RALYL: variants seen among roughly 807,000 people sequenced by gnomAD.
RALYL encodes the protein RNA-binding Raly-like protein.
Under a neutral mutation model 35.1 loss-of-function variants are expected in RALYL, and 29 were observed. That is an observed-to-expected ratio of 0.83 (90% confidence interval 0.61 to 1.13). The LOEUF is 1.13. Among genes scored for constraint, RALYL ranks in the 50% most tolerant of loss-of-function variants. RALYL has a pLI of 0.00. For synonymous variants in RALYL, 120 were observed against 127.6 expected (o/e 0.94, Z 0.40); for missense variants, 359 against 360.4 (o/e 1.00, Z 0.03).
At chr8:84,647,828 A>G (rs1332139675) in intron 2 of RALYL, among the ~76,000 whole-genome samples, 1 of 152,240 alleles carries the variant, frequency 6.6e-6, no homozygotes, top group East Asian at 1.9e-4. Context: ...ATTTTAGGCA[A>G]GACAGCTATG....
chr8:84,506,924 C>A (rs2057218124), intron 1 of RALYL, among the ~76,000 whole-genome samples: 1 of 152,030 alleles, frequency 6.6e-6, no homozygotes, highest in South Asian at 2.1e-4. Context: ...TGAAACCTGT[C>A]ACGGCACAGC....
At chr8:84,837,824 C>T (rs142304961) in intron 4 of RALYL, among the ~76,000 whole-genome samples, 41 of 152,180 alleles carry the variant, frequency 2.7e-4, no homozygotes, top group African/African-American at 8.7e-4. Flanking sequence ...TATTTGTTTG[C>T]ACTAAACATT....
At chr8:84,272,923 C>T (rs12680668) in intron 1 of RALYL, among the ~76,000 whole-genome samples, 12,005 of 152,090 alleles carry the variant, frequency 0.079, 543 homozygotes, top group East Asian at 0.12. Context: ...ATTATATAAA[C>T]ATAGACATAG....
At chr8:84,492,922 C>T (rs1424217409) in intron 1 of RALYL, among the ~76,000 whole-genome samples, 2 of 151,966 alleles carry the variant, frequency 1.3e-5, no homozygotes, top group Non-Finnish European at 2.9e-5. Flanking sequence ...TTTTTAAAAA[C>T]TCTAAGTTCT....
At chr8:84,548,003 C>T (rs899258752) in intron 2 of RALYL, among the ~76,000 whole-genome samples, 4 of 151,904 alleles carry the variant, frequency 2.6e-5, no homozygotes, top group African/African-American at 4.8e-5. Context: ...TAGCTGTTCT[C>T]GGTCAATTTC....
chr8:84,700,175 A>G (rs772542158), intron 2 of RALYL, among the ~76,000 whole-genome samples: 2 of 152,162 alleles, frequency 1.3e-5, no homozygotes, highest in Admixed American at 6.5e-5. Flanking sequence ...AAAGGAAAGC[A>G]TATAGAGAAA....
chr8:84,231,058 G>T (rs1825221325), intron 1 of RALYL, among the ~76,000 whole-genome samples: 1 of 152,206 alleles, frequency 6.6e-6, no homozygotes, highest in Admixed American at 6.5e-5. Flanking sequence ...CAGAAGAGAA[G>T]ACATTTAACT....
intron 5 of RALYL, among the ~76,000 whole-genome samples, chr8:84,850,852 T>C (rs1425192003): frequency 1.3e-5 from 2 of 152,208 alleles, no homozygotes; most frequent in Non-Finnish European, 2.9e-5. Flanking sequence ...GTTCTTTCAA[T>C]GTGTGATTCT....
chr8:84,766,829 A>G (rs1346863126), intron 2 of RALYL, among the ~76,000 whole-genome samples: 2 of 151,904 alleles, frequency 1.3e-5, no homozygotes, highest in Non-Finnish European at 2.9e-5. Context: ...CTGGAGCCCA[A>G]AGTTATGCCT....
chr8:84,226,984 A>G (rs1001136905), intron 1 of RALYL, among the ~76,000 whole-genome samples: 2 of 150,434 alleles, frequency 1.3e-5, no homozygotes, highest in Non-Finnish European at 3.0e-5. Context: ...GTTTCATGGA[A>G]TTTGATCCAG....
rs59464412 is a variant in RALYL at position 84,658,315 on chromosome 8, A to G, written c.257-116264A>G. Among the ~76,000 whole-genome samples the G allele has an allele frequency of 1.2e-4, 19 of 152,278 alleles. No individual in the cohort carries two copies. The East Asian group carries it at 3.7e-3, about 29-fold the overall frequency. ...CAAAAAGTGTGTTTCTGGCTTCTGGATGGAGGTTACACTTCCTGGCCTCTC... is the reference window on the plus strand; with the variant it reads ...CAAAAAGTGTGTTTCTGGCTTCTGGGTGGAGGTTACACTTCCTGGCCTCTC... On this transcript the variant is annotated intron_variant, in intron 2 of 8. Coordinates refer to ENST00000521268, the MANE Select transcript of RALYL (RefSeq NM_173848.7).
chr8:84,425,522 C>G (rs1004951759), intron 1 of RALYL, among the ~76,000 whole-genome samples: 1 of 152,184 alleles, frequency 6.6e-6, no homozygotes, highest in African/African-American at 2.4e-5. Flanking sequence ...GCGTCGCTCA[C>G]GCTGGGAGCT....
At position 84,371,539 on chromosome 8, in the gene RALYL, T is replaced by TCACACA. The variant is rs5892914; in HGVS notation, c.-23-157731_-23-157726dup. Among the ~76,000 whole-genome samples, 923 of 144,150 alleles carry TCACACA rather than the reference T, an allele frequency of 6.4e-3. 4 individuals are homozygous for TCACACA. Among genetic ancestry groups the TCACACA allele is most frequent in the African/African-American group, 8.2e-3 (319 of 38,896 alleles). 94.6% of individuals were successfully genotyped at this position (144,150 alleles called of 152,430 possible). A position where few individuals can be genotyped will look rare whatever the true frequency, so the allele number is the denominator to read the frequency against. On this transcript the variant is annotated intron_variant, in intron 1 of 8. Coordinates refer to ENST00000521268, the MANE Select transcript of RALYL (RefSeq NM_173848.7). ...AAAATAGGGAATAAATTTATGATTA[T>TCACACA]CACACACACACACACACACACACAC... is the stretch of plus-strand genomic sequence containing the variant.
At chr8:84,657,770 G>A (rs1466505909) in intron 2 of RALYL, among the ~76,000 whole-genome samples, 3 of 152,304 alleles carry the variant, frequency 2.0e-5, no homozygotes, top group South Asian at 4.1e-4. Flanking sequence ...CTCTAGATGA[G>A]ATGTTGCAAC....
At chr8:84,316,506 T>C (rs535887382) in intron 1 of RALYL, among the ~76,000 whole-genome samples, 1 of 152,270 alleles carries the variant, frequency 6.6e-6, no homozygotes, top group South Asian at 2.1e-4. Context: ...TTCTTTGTTG[T>C]TACATGTACA....
intron 1 of RALYL, among the ~76,000 whole-genome samples, chr8:84,284,312 G>A (rs1338216141): frequency 6.6e-6 from 1 of 152,118 alleles, no homozygotes. Context: ...AAGTCAAGCA[G>A]TAATGCAGAA....
intron 1 of RALYL, among the ~76,000 whole-genome samples, chr8:84,268,216 C>A (rs777456686): frequency 6.6e-6 from 1 of 152,138 alleles, no homozygotes; most frequent in African/African-American, 2.4e-5. Context: ...TGAGACTCAA[C>A]GAGACAGTCA....
At chr8:84,905,544 A>T (rs1236047547) in intron 8 of RALYL, among the ~76,000 whole-genome samples, 1 of 152,116 alleles carries the variant, frequency 6.6e-6, no homozygotes, top group African/African-American at 2.4e-5. Flanking sequence ...TCCCACCAAC[A>T]GTGTGCAAGC....
chr8:84,424,723 T>A (rs2046134679), intron 1 of RALYL, among the ~76,000 whole-genome samples: 1 of 151,974 alleles, frequency 6.6e-6, no homozygotes, highest in African/African-American at 2.4e-5. Context: ...TACAGGTGGG[T>A]TTTTGGTGTG....
Sources: gnomAD v4.1 joint callset for allele counts (sites outside exome capture counted in the v4.1 genomes callset) on GRCh38, gnomAD v4.1.1 for gene constraint, MANE v1.5 for transcripts, NCBI Gene and HGNC (gene_info 2026-07-23, HGNC 2026-07-21) for gene names.